KCNB2: variants seen among roughly 807,000 people sequenced by gnomAD.
KCNB2 encodes potassium voltage-gated channel subfamily B member 2.
In KCNB2, 15 loss-of-function variants were observed where a neutral mutation model predicts 61.5. The observed-to-expected ratio is 0.24, with a 90% CI of 0.16 to 0.38. The LOEUF is 0.38. KCNB2 is among the 10% of genes least tolerant of loss of function. The pLI is 1.00. For synonymous variants in KCNB2, 457 were observed against 446.0 expected (o/e 1.02, Z -0.31); for missense variants, 828 against 1,125.2 (o/e 0.74, Z 3.78).
intron 2 of KCNB2, among the ~76,000 whole-genome samples, chr8:72,793,184 G>A (rs1808974352): frequency 6.6e-6 from 1 of 152,182 alleles, no homozygotes; most frequent in Non-Finnish European, 1.5e-5. Context: ...CAGATTCTAA[G>A]TACTGGGGTT....
chr8:72,675,544 A>T (rs912261361), intron 2 of KCNB2, among the ~76,000 whole-genome samples: 17 of 148,336 alleles, frequency 1.1e-4, no homozygotes, highest in African/African-American at 4.3e-4. Flanking sequence ...GATGAGTCTC[A>T]CTCTGTCACC....
chr8:72,603,489 C>T (rs1409093790), intron 2 of KCNB2, among the ~76,000 whole-genome samples: 3 of 152,164 alleles, frequency 2.0e-5, no homozygotes, highest in Admixed American at 2.0e-4. Context: ...CATATGTCAC[C>T]TGCCTTGCAC....
Position 72,572,838 on chromosome 8 carries a change from T to C in KCNB2, c.579+4525T>C, listed in dbSNP as rs73686077. ...AGCACCAGTTTTCTCCCCTTGAAAA[T>C]GCATGGGACGGAGGGAAGGAGATGA... On this transcript the variant is annotated intron_variant, in intron 2 of 2. Transcript: ENST00000523207. 5.5e-3 allele frequency among the ~76,000 whole-genome samples: 844 copies of C among 152,280 alleles called. 2 individuals carry two copies. The highest frequency in any genetic ancestry group is 7.6e-3 in the African/African-American group (317 of 41,562).
chr8:72,931,041 T>C (rs888104468), intron 2 of KCNB2, among the ~76,000 whole-genome samples: 3 of 152,220 alleles, frequency 2.0e-5, no homozygotes, highest in African/African-American at 7.2e-5. Context: ...CCAGCACCAT[T>C]TGTTAAATAG....
intron 2 of KCNB2, among the ~76,000 whole-genome samples, chr8:72,815,532 C>T (rs1809382391): frequency 6.6e-6 from 1 of 152,126 alleles, no homozygotes; most frequent in Non-Finnish European, 1.5e-5. Flanking sequence ...ATTGTATCTC[C>T]ATTGCTTATC....
intron 2 of KCNB2, among the ~76,000 whole-genome samples, chr8:72,676,613 C>T (rs965562028): frequency 4.0e-5 from 6 of 151,424 alleles, no homozygotes; most frequent in African/African-American, 1.5e-4. Context: ...ATAGAATTTA[C>T]ATTTAAATAT....
chr8:72,682,611 A>T (rs941748000), intron 2 of KCNB2, among the ~76,000 whole-genome samples: 5 of 151,534 alleles, frequency 3.3e-5, no homozygotes, highest in Non-Finnish European at 7.4e-5. Context: ...AAAAAAAAAA[A>T]AGGAGAGGAT....
Position 72,607,648 on chromosome 8 carries a change from G to C in KCNB2, c.579+39335G>C, listed in dbSNP as rs1238944894. On this transcript the variant is annotated intron_variant, in intron 2 of 2. Transcript: ENST00000523207. Reference sequence around the variant, plus strand: ...TTATATTTTATGATCTGTTTAGAAAGTGTTTTTTAATCCTCAGATATAGCT... The same window carrying C: ...TTATATTTTATGATCTGTTTAGAAACTGTTTTTTAATCCTCAGATATAGCT... 1.3e-5 allele frequency among the ~76,000 whole-genome samples: 2 copies of C among 152,060 alleles called. 1 individual carries two copies. The highest frequency in any genetic ancestry group is 4.8e-5 in the African/African-American group (2 of 41,408).
intron 2 of KCNB2, among the ~76,000 whole-genome samples, chr8:72,779,165 G>T (rs571119032): frequency 2.0e-5 from 3 of 152,300 alleles, no homozygotes; most frequent in African/African-American, 7.2e-5. Context: ...CAAGGCTTTG[G>T]CATGAGAGAC....
intron 2 of KCNB2, among the ~76,000 whole-genome samples, chr8:72,654,116 A>G (rs1381307155): frequency 6.6e-6 from 1 of 152,164 alleles, no homozygotes; most frequent in Non-Finnish European, 1.5e-5. Context: ...GTTTCACAGG[A>G]AGATAAAATG....
intron 2 of KCNB2, among the ~76,000 whole-genome samples, chr8:72,583,965 A>G (rs1384138322): frequency 1.4e-5 from 2 of 147,390 alleles, no homozygotes; most frequent in African/African-American, 5.0e-5. Flanking sequence ...AAAAAAAAAA[A>G]CAAACAAAAC....
chr8:72,581,281 T>G (rs945038402), intron 2 of KCNB2, among the ~76,000 whole-genome samples: 2 of 152,220 alleles, frequency 1.3e-5, no homozygotes, highest in Non-Finnish European at 2.9e-5. Context: ...TCAGCTCATA[T>G]GTCACGCTCC....
At chr8:72,782,588 C>T (rs952379736) in intron 2 of KCNB2, among the ~76,000 whole-genome samples, 2 of 152,126 alleles carry the variant, frequency 1.3e-5, no homozygotes, top group South Asian at 4.1e-4. Context: ...GACCCCAAGC[C>T]TGGAGCTCCT....
chr8:72,924,901 A>G (rs533342693), intron 2 of KCNB2, among the ~76,000 whole-genome samples: 1 of 152,298 alleles, frequency 6.6e-6, no homozygotes, highest in East Asian at 1.9e-4. Context: ...AACAGCAGAT[A>G]TAAAGTGGAT....
intron 2 of KCNB2, among the ~76,000 whole-genome samples, chr8:72,843,114 C>G (rs1004623960): frequency 1.3e-5 from 2 of 151,994 alleles, no homozygotes; most frequent in Non-Finnish European, 2.9e-5. Context: ...TAGCTGTGTC[C>G]CAGAGATTCC....
intron 2 of KCNB2, among the ~76,000 whole-genome samples, chr8:72,614,084 T>C (rs767282514): frequency 4.8e-4 from 73 of 152,274 alleles, no homozygotes; most frequent in Non-Finnish European, 9.3e-4. Context: ...TAGTCACACA[T>C]TGATGTAAAT....
At chr8:72,883,525 TGA>T (rs1805751558) in intron 2 of KCNB2, among the ~76,000 whole-genome samples, 1 of 152,236 alleles carries the variant, frequency 6.6e-6, no homozygotes, top group Non-Finnish European at 1.5e-5. Context: ...AGAAGAGAAC[TGA>T]GAATAGCATA....
At chr8:72,707,194 T>C (rs1355715829) in intron 2 of KCNB2, among the ~76,000 whole-genome samples, 1 of 152,216 alleles carries the variant, frequency 6.6e-6, no homozygotes, top group African/African-American at 2.4e-5. Context: ...ACTTTCCTTA[T>C]AACCGACTTT....
At chr8:72,677,580 C>T (rs777388918) in intron 2 of KCNB2, among the ~76,000 whole-genome samples, 1 of 152,014 alleles carries the variant, frequency 6.6e-6, no homozygotes, top group Admixed American at 6.6e-5. Flanking sequence ...TTTTCAAAAC[C>T]GCTCTTAACC....
Sources: gnomAD v4.1 joint callset for allele counts (sites outside exome capture counted in the v4.1 genomes callset) on GRCh38, gnomAD v4.1.1 for gene constraint, MANE v1.5 for transcripts, NCBI Gene and HGNC (gene_info 2026-07-23, HGNC 2026-07-21) for gene names.